Variants in DCC observed in about 807,000 individuals in gnomAD.
The protein encoded by DCC is DCC netrin 1 receptor.
In DCC, 58 loss-of-function variants were observed where a neutral mutation model predicts 172.5. The observed-to-expected ratio is 0.34, with a 90% CI of 0.27 to 0.42. The LOEUF (loss-of-function observed/expected upper bound fraction) is 0.42. DCC is among the 10% of genes least tolerant of loss of function. The pLI, the probability that DCC is intolerant of heterozygous loss-of-function variation, is 1.00. For missense variants in DCC, 1,740 were observed against 1,791.0 expected (o/e 0.97, Z 0.51); for synonymous variants, 709 against 644.5 (o/e 1.10, Z -1.52).
At chr18:52,498,584 A>G (rs1219633340) in intron 1 of DCC, among the ~76,000 whole-genome samples, 1 of 152,160 alleles carries the variant, frequency 6.6e-6, no homozygotes, top group Admixed American at 6.5e-5. Context: ...AGATCATGCC[A>G]CTGCACTCCA....
rs965849746 is a variant in DCC, at chr18:52,543,330, A to G, written c.91+202452A>G. 2.6e-5 allele frequency among the ~76,000 whole-genome samples: 4 copies of G among 152,060 alleles called. No homozygotes were observed. The East Asian group carries it at 7.7e-4, about 29-fold the overall frequency. On this transcript the variant is annotated intron_variant, in intron 1 of 28. Coordinates refer to ENST00000442544, the MANE Select transcript of DCC (RefSeq NM_005215.4). ...ATAATTATTAATAAGAAGTTTTTAC[A>G]TTTTTTTCTACTAAGCCTTCAAAAT...
intron 12 of DCC, among the ~76,000 whole-genome samples, chr18:53,278,100 C>T (rs1312105552): frequency 6.6e-6 from 1 of 152,004 alleles, no homozygotes; most frequent in Non-Finnish European, 1.5e-5. Context: ...AGGCATATGA[C>T]TAGACAAGTA....
At chr18:53,188,527 C>T (rs1421331108) in intron 9 of DCC, among the ~76,000 whole-genome samples, 2 of 152,154 alleles carry the variant, frequency 1.3e-5, no homozygotes, top group Admixed American at 6.5e-5. Flanking sequence ...AGGAACACTG[C>T]TAACTGATCT....
At chr18:52,732,766 TA>T (rs775114740) in intron 1 of DCC, among the ~76,000 whole-genome samples, 2 of 152,156 alleles carry the variant, frequency 1.3e-5, no homozygotes, top group South Asian at 2.1e-4. Context: ...TTCTCCTCTC[TA>T]AAAATCAACA....
intron 11 of DCC, among the ~76,000 whole-genome samples, chr18:53,210,932 C>A (rs1045412516): frequency 6.6e-6 from 1 of 151,886 alleles, no homozygotes; most frequent in Non-Finnish European, 1.5e-5. Context: ...ACCTAGAAAA[C>A]CACTGGTTTA....
At chr18:52,642,075 T>C (rs886913718) in intron 1 of DCC, among the ~76,000 whole-genome samples, 11,090 of 34,394 alleles carry the variant, frequency 0.32, 953 homozygotes, top group East Asian at 0.55. Flanking sequence ...TATATATATA[T>C]ATATACACAC....
chr18:53,446,966 T>C (rs1437112824), intron 22 of DCC, among the ~76,000 whole-genome samples: 1 of 152,202 alleles, frequency 6.6e-6, no homozygotes, highest in Admixed American at 6.5e-5. Flanking sequence ...ATGTTCTCTC[T>C]ACAAATTTTG....
At chr18:53,513,119 GAAATCCTACAAGCCAAAA>G (rs2046280021) in intron 27 of DCC, among the ~76,000 whole-genome samples, 1 of 152,240 alleles carries the variant, frequency 6.6e-6, no homozygotes, top group Non-Finnish European at 1.5e-5. Flanking sequence ...TCTCTCAGCA[GAAATCCTACAAGCCAAAA>G]GAGAGTGGGG....
At chr18:52,507,972 G>A (rs1160609134) in intron 1 of DCC, among the ~76,000 whole-genome samples, 1 of 151,998 alleles carries the variant, frequency 6.6e-6, no homozygotes, top group Non-Finnish European at 1.5e-5. Context: ...ATGGTGGCAG[G>A]CACCTGTAGT....
intron 1 of DCC, among the ~76,000 whole-genome samples, chr18:52,504,524 C>T (rs1233127313): frequency 1.3e-5 from 2 of 152,176 alleles, no homozygotes; most frequent in Non-Finnish European, 2.9e-5. Flanking sequence ...ACAAGTAAAG[C>T]ACAGTGGCTG....
At chr18:53,099,425 CT>C (rs2043131634) in intron 7 of DCC, among the ~76,000 whole-genome samples, 1 of 152,078 alleles carries the variant, frequency 6.6e-6, no homozygotes, top group Admixed American at 6.6e-5. Context: ...TGAATCTTTC[CT>C]GAAATACTTT....
intron 2 of DCC, among the ~76,000 whole-genome samples, chr18:52,777,713 TAA>T (rs2037459371): frequency 1.3e-5 from 2 of 151,712 alleles, no homozygotes; most frequent in Admixed American, 1.3e-4. Flanking sequence ...GCAGCTGACC[TAA>T]AGAGTATCTA....
At chr18:52,789,880 T>C (rs2037727300) in intron 2 of DCC, among the ~76,000 whole-genome samples, 1 of 152,148 alleles carries the variant, frequency 6.6e-6, no homozygotes. Flanking sequence ...TACTTCCCTC[T>C]TGTCTGGGGA....
intron 2 of DCC, among the ~76,000 whole-genome samples, chr18:52,880,964 T>A (rs1298361939): frequency 4.6e-5 from 7 of 152,176 alleles, no homozygotes; most frequent in Admixed American, 3.3e-4. Context: ...TTGTCTAATT[T>A]ACTTTCCCAC....
At chr18:52,348,136 A>C (rs1273379556) in intron 1 of DCC, among the ~76,000 whole-genome samples, 1 of 152,120 alleles carries the variant, frequency 6.6e-6, no homozygotes, top group Non-Finnish European at 1.5e-5. Flanking sequence ...TCTGAGTTTC[A>C]TCTATGTGGA....
intron 12 of DCC, among the ~76,000 whole-genome samples, chr18:53,233,462 T>C (rs1206613887): frequency 1.3e-5 from 2 of 152,206 alleles, no homozygotes; most frequent in Non-Finnish European, 2.9e-5. Flanking sequence ...TTCCCTAGAA[T>C]ATTTGAAGCC....
At chr18:53,048,206 A>C (rs1005014716) in intron 5 of DCC, among the ~76,000 whole-genome samples, 2 of 150,994 alleles carry the variant, frequency 1.3e-5, no homozygotes, top group Admixed American at 1.3e-4. Context: ...TTTACAGGTT[A>C]TTTCATCACC....
At chr18:53,058,715 T>A (rs1174440487) in intron 5 of DCC, among the ~76,000 whole-genome samples, 1 of 152,194 alleles carries the variant, frequency 6.6e-6, no homozygotes, top group African/African-American at 2.4e-5. Context: ...ATTGATTTCA[T>A]GTTAGCCTGA....
chr18:52,799,419 A>G (rs28657056), intron 2 of DCC, among the ~76,000 whole-genome samples: 6,539 of 152,290 alleles, frequency 0.043, 222 homozygotes, highest in South Asian at 0.16. Context: ...TACATGTAAC[A>G]AGGAAGCATG....
Sources: gnomAD v4.1 joint callset for allele counts (sites outside exome capture counted in the v4.1 genomes callset) on GRCh38, gnomAD v4.1.1 for gene constraint, MANE v1.5 for transcripts, NCBI Gene and HGNC (gene_info 2026-07-23, HGNC 2026-07-21) for gene names.